AOPEP: variants seen among roughly 807,000 people sequenced by gnomAD.
The protein encoded by AOPEP is aminopeptidase O.
Under a neutral mutation model 98.1 loss-of-function variants are expected in AOPEP, and 77 were observed. That is an observed-to-expected ratio of 0.78 (90% confidence interval 0.65 to 0.95). The LOEUF (loss-of-function observed/expected upper bound fraction) is 0.95. AOPEP is among the 40% of genes least tolerant of loss of function. The pLI is 0.00. For synonymous variants in AOPEP, 346 were observed against 365.3 expected, an observed-to-expected ratio of 0.95 and a Z score of 0.60; for missense variants, 1,024 against 1,024.7, an observed-to-expected ratio of 1.00 and a Z score of 0.01.
chr9:94,968,007 C>G (rs2059312964), intron 10 of AOPEP, among the ~76,000 whole-genome samples: 1 of 152,098 alleles, frequency 6.6e-6, no homozygotes, highest in Non-Finnish European at 1.5e-5. Flanking sequence ...GTGTGCACGA[C>G]TGAAGATCCC....
intron 5 of AOPEP, among the ~76,000 whole-genome samples, chr9:94,812,759 C>T (rs1850885552): frequency 6.6e-6 from 1 of 152,150 alleles, no homozygotes; most frequent in African/African-American, 2.4e-5. Context: ...AGTTGAGTTT[C>T]TGTTGTTTAC....
rs140024730 is a variant in AOPEP at position 94,735,240 on chromosome 9, A to T, written c.-136+8489A>T. Among the ~76,000 whole-genome samples the T allele has an allele frequency of 1.5e-3, 224 of 152,208 alleles. 6 individuals are homozygous for T. Among genetic ancestry groups the T allele is most frequent in the Non-Finnish European group, 5.3e-4 (36 of 68,008 alleles). On this transcript the variant is annotated intron_variant, in intron 1 of 16. Coordinates refer to ENST00000375315, the MANE Select transcript of AOPEP (RefSeq NM_001193329.3). ...AAGAATCTGCATTTTTTCTTTTTTGAGACGGAGTCTCGCTCTGTCACCCAG... is the reference window on the plus strand; with the variant it reads ...AAGAATCTGCATTTTTTCTTTTTTGTGACGGAGTCTCGCTCTGTCACCCAG...
intron 5 of AOPEP, among the ~76,000 whole-genome samples, chr9:94,866,872 T>C (rs1326432184): frequency 3.9e-5 from 6 of 152,196 alleles, no homozygotes; most frequent in Non-Finnish European, 8.8e-5. Context: ...TCATAATCAG[T>C]TTATAAAATG....
chr9:94,759,929 A>C lies in AOPEP; in HGVS notation c.146A>C (p.Asp49Ala). 1 of 1,614,188 alleles carries C rather than the reference A, an allele frequency of 6.2e-7. No individual in the cohort carries two copies. The highest frequency in any genetic ancestry group is 8.5e-7 in the Non-Finnish European group (1 of 1,180,042). Residue 49 changes from aspartate to alanine, a missense_variant, in exon 2 of 17, where the codon GAT becomes GCT. This residue lies in a region of AOPEP where 440 missense variants were observed against 433.8 expected (regional missense o/e 1.01). Coordinates refer to ENST00000375315, the MANE Select transcript of AOPEP (RefSeq NM_001193329.3). ...IEGTIVLFLE[D>A]GNRFKKQNSS... ...GGGACCATAGTGCTTTTCCTCGAGG[A>C]TGGAAACAGATTCAAGAAACAGAAT...
chr9:94,905,112 A>G (rs570025269), intron 5 of AOPEP, among the ~76,000 whole-genome samples: 2 of 152,374 alleles, frequency 1.3e-5, no homozygotes, highest in East Asian at 3.9e-4. Context: ...ACAAAAGCAC[A>G]ACAGATATCG....
At chr9:94,935,055 G>A (rs1394596342) in intron 7 of AOPEP, 6 of 152,254 alleles carry the variant, frequency 3.9e-5, no homozygotes, top group South Asian at 2.1e-4. Context: ...TGTTGGAGGT[G>A]GGGCCTGGCG....
At chr9:94,892,248 A>G (rs1028991831) in intron 5 of AOPEP, among the ~76,000 whole-genome samples, 2 of 152,170 alleles carry the variant, frequency 1.3e-5, no homozygotes, top group Non-Finnish European at 2.9e-5. Flanking sequence ...GAAGTTTTCA[A>G]ATCTACTCCC....
intron 1 of AOPEP, among the ~76,000 whole-genome samples, chr9:94,752,297 C>T (rs979073421): frequency 7.2e-5 from 11 of 151,818 alleles, no homozygotes; most frequent in African/African-American, 2.7e-4. Flanking sequence ...AGGAAATCTC[C>T]CTTCCACTTC....
chr9:94,760,264 GT>G lies in AOPEP; in HGVS notation c.483del (p.Ala162LeufsTer31). 1 of 1,614,200 alleles carries G rather than the reference GT, an allele frequency of 6.2e-7. No individual in the cohort carries two copies. Among genetic ancestry groups the G allele is most frequent in the Non-Finnish European group, 8.5e-7 (1 of 1,180,040 alleles). Reference protein sequence around the residue: ...LSVLKVEEVDVAAVPGLEKFT... With the variant: ...LSVLKVEEVDXAAVPGLEKFT... ...TGTGTTAAAAGTCGAGGAGGTGGAT[GT>G]TGCTGCTGTGCCAGGTCTGGAAAAA... On this transcript the variant is annotated frameshift_variant, in exon 2 of 17. Coordinates refer to ENST00000375315, the MANE Select transcript of AOPEP (RefSeq NM_001193329.3). LOFTEE classifies it high-confidence loss of function.
intron 7 of AOPEP, among the ~76,000 whole-genome samples, chr9:94,937,752 C>T (rs1480605706): frequency 2.0e-5 from 3 of 152,202 alleles, no homozygotes; most frequent in Non-Finnish European, 4.4e-5. Context: ...TGCTGTCCCT[C>T]CTCTGTACTC....
chr9:94,916,361 C>T (rs1475200548), intron 5 of AOPEP, among the ~76,000 whole-genome samples: 1 of 152,044 alleles, frequency 6.6e-6, no homozygotes, highest in African/African-American at 2.4e-5. Context: ...GAAGAGTTCC[C>T]CAGATCCTGC....
At chr9:95,095,784 C>T in the AOPEP span, among the ~76,000 whole-genome samples, 1 of 152,162 alleles carries the variant, frequency 6.6e-6, no homozygotes, top group African/African-American at 2.4e-5. Context: ...CTCTCAGCTC[C>T]CCTTCCTCCC....
intron 9 of AOPEP, among the ~76,000 whole-genome samples, chr9:94,962,693 C>T (rs1042409014): frequency 3.9e-5 from 6 of 151,930 alleles, no homozygotes; most frequent in African/African-American, 1.4e-4. Flanking sequence ...CTTTCCCTTC[C>T]AAATGCCCTC....
At chr9:95,028,285 C>T (rs551723664) in intron 13 of AOPEP, among the ~76,000 whole-genome samples, 71 of 152,314 alleles carry the variant, frequency 4.7e-4, no homozygotes, top group African/African-American at 1.7e-3. Flanking sequence ...TATAAAGGAA[C>T]GGTTCTCATA....
At chr9:94,888,012 ATGTT>A (rs35702109) in intron 5 of AOPEP, among the ~76,000 whole-genome samples, 5,492 of 152,282 alleles carry the variant, frequency 0.036, 139 homozygotes, top group Non-Finnish European at 0.057. Flanking sequence ...TATTGAAAAT[ATGTT>A]TGTTCACTAA....
At chr9:94,895,234 T>TAAA (rs1188345681) in intron 5 of AOPEP, among the ~76,000 whole-genome samples, 65 of 36,422 alleles carry the variant, frequency 1.8e-3, no homozygotes, top group East Asian at 6.3e-3. Flanking sequence ...AAAAATAAAA[T>TAAA]AAAATAAAAA....
intron 13 of AOPEP, among the ~76,000 whole-genome samples, chr9:95,052,534 G>A (rs747068153): frequency 2.6e-5 from 4 of 152,154 alleles, no homozygotes; most frequent in African/African-American, 4.8e-5. Context: ...TTGTCCATAT[G>A]AACACAGTAA....
intron 13 of AOPEP, among the ~76,000 whole-genome samples, chr9:95,033,001 T>C (rs1477691366): frequency 6.6e-6 from 1 of 152,140 alleles, no homozygotes; most frequent in Admixed American, 6.5e-5. Flanking sequence ...GATGGCCACG[T>C]ATTGTTCAGG....
chr9:94,823,859 T>C (rs545680047), intron 5 of AOPEP, among the ~76,000 whole-genome samples: 42 of 152,280 alleles, frequency 2.8e-4, no homozygotes, highest in African/African-American at 9.9e-4. Flanking sequence ...AGCTATCACT[T>C]TGTGGAAGCC....
Sources: gnomAD v4.1 joint callset for allele counts (sites outside exome capture counted in the v4.1 genomes callset) on GRCh38, gnomAD v4.1.1 for gene constraint, gnomAD v4.1.1 regional missense constraint, MANE v1.5 for transcripts, NCBI Gene and HGNC (gene_info 2026-07-23, HGNC 2026-07-21) for gene names.